Variants in CDH18 observed in about 807,000 individuals in gnomAD.
CDH18 encodes cadherin 18.
A neutral mutation model predicts 67.9 loss-of-function variants in CDH18; 31 were observed. The observed-to-expected ratio is 0.46, with a 90% confidence interval of 0.34 to 0.62. CDH18 has a LOEUF of 0.62. CDH18 is among the 20% of genes least tolerant of loss of function. CDH18 has a pLI of 0.01. For missense variants in CDH18, 890 were observed against 975.5 expected (o/e 0.91, Z 1.17); for synonymous variants, 362 against 347.2 (o/e 1.04, Z -0.48).
At chr5:20,556,253 G>A (rs1398562484) in intron 1 of CDH18, among the ~76,000 whole-genome samples, 6 of 152,202 alleles carry the variant, frequency 3.9e-5, no homozygotes, top group Middle Eastern at 3.4e-3. Context: ...TAAAATATGC[G>A]CAGCCACCCA....
At chr5:20,287,757 G>C (rs1016597819) in intron 1 of CDH18, among the ~76,000 whole-genome samples, 15 of 145,896 alleles carry the variant, frequency 1.0e-4, no homozygotes, top group Non-Finnish European at 2.2e-4. Context: ...TAGCACTATA[G>C]ACCAAGAAGC....
intron 2 of CDH18, among the ~76,000 whole-genome samples, chr5:19,844,257 T>A (rs544797249): frequency 6.6e-6 from 1 of 152,278 alleles, no homozygotes; most frequent in Admixed American, 6.5e-5. Flanking sequence ...TGAATTCTAA[T>A]CCGAATTGCT....
At chr5:19,625,413 A>T (rs1751387678) in intron 5 of CDH18, among the ~76,000 whole-genome samples, 1 of 151,992 alleles carries the variant, frequency 6.6e-6, no homozygotes, top group African/African-American at 2.4e-5. Context: ...TGCCTAAAAC[A>T]ATCTGCAAAT....
chr5:20,106,728 C>T (rs1746972425), intron 2 of CDH18, among the ~76,000 whole-genome samples: 1 of 152,134 alleles, frequency 6.6e-6, no homozygotes. Flanking sequence ...TCACCGCCAT[C>T]TCTGTTTTGT....
rs146657264 is a variant in CDH18 at position 20,391,423 on chromosome 5, T to C, written c.-579-135918A>G. On this transcript the variant is annotated intron_variant, in intron 1 of 14. Coordinates refer to the CDH18 transcript ENST00000507958. ...TTTTGTAAAGATAAAAATGAATCAA[T>C]ATAAATGAAATATTTAGCATATCTT... Among the ~76,000 whole-genome samples the C allele has an allele frequency of 8.3e-3, 1,268 of 152,184 alleles. 14 individuals carry two copies. The highest frequency in any genetic ancestry group is 0.011 in the Non-Finnish European group (776 of 67,970).
intron 3 of CDH18, among the ~76,000 whole-genome samples, chr5:19,804,755 C>T (rs1472043507): frequency 6.6e-6 from 1 of 152,086 alleles, no homozygotes; most frequent in African/African-American, 2.4e-5. Flanking sequence ...ATGACTAAAA[C>T]AGTTGAAGAA....
Position 19,839,187 on chromosome 5 carries a change from G to T in CDH18, c.-201C>A, listed in dbSNP as rs763032415. Reference sequence around the variant, plus strand: ...CTGAACCACTTGGAAAATCAAAGCCGTAGTTGTCTGATTCCAACTCTTCAC... The same window carrying T: ...CTGAACCACTTGGAAAATCAAAGCCTTAGTTGTCTGATTCCAACTCTTCAC... On this transcript the variant is annotated 5_prime_UTR_variant, in exon 3 of 13. Coordinates refer to ENST00000382275, the MANE Select transcript of CDH18 (RefSeq NM_004934.5). The T allele has an allele frequency of 3.7e-6, 2 of 537,256 alleles. No homozygotes were observed. The highest frequency in any genetic ancestry group is 5.1e-5 in the South Asian group (2 of 39,436). 33.3% of individuals were successfully genotyped at this position (537,256 alleles called of 1,614,324 possible). A position where few individuals can be genotyped will look rare whatever the true frequency, so the allele number is the denominator to read the frequency against.
intron 2 of CDH18, among the ~76,000 whole-genome samples, chr5:19,868,807 G>A (rs762906562): frequency 8.5e-5 from 13 of 152,150 alleles, no homozygotes; most frequent in Non-Finnish European, 1.8e-4. Flanking sequence ...ATTCAGCCAG[G>A]GAATGAGGGT....
chr5:20,115,081 T>A (rs1747775143), intron 2 of CDH18, among the ~76,000 whole-genome samples: 1 of 151,968 alleles, frequency 6.6e-6, no homozygotes, highest in Non-Finnish European at 1.5e-5. Flanking sequence ...TTCTTACAGT[T>A]CTGGAGTCTG....
At chr5:19,638,983 T>TG (rs1408535268) in intron 5 of CDH18, among the ~76,000 whole-genome samples, 22 of 75,686 alleles carry the variant, frequency 2.9e-4, no homozygotes, top group African/African-American at 1.0e-3. Context: ...TGCTGTTTTT[T>TG]TTTTTTTTTT....
intron 1 of CDH18, among the ~76,000 whole-genome samples, chr5:20,387,653 A>G (rs1032439555): frequency 6.6e-6 from 1 of 152,078 alleles, no homozygotes; most frequent in African/African-American, 2.4e-5. Flanking sequence ...GCCAGTTTTC[A>G]AAGGGAATGC....
intron 1 of CDH18, among the ~76,000 whole-genome samples, chr5:20,338,043 C>T (rs184526629): frequency 4.0e-4 from 61 of 152,284 alleles, no homozygotes; most frequent in African/African-American, 1.4e-3. Context: ...CCACCAACCA[C>T]CAGGAGAACA....
rs556557143 is a variant in CDH18, at chr5:19,840,954, CAT to C, written c.-256-1714_-256-1713del. Among the ~76,000 whole-genome samples, 4 of 152,210 alleles carry C rather than the reference CAT, an allele frequency of 2.6e-5. No individual in the cohort carries two copies. In the South Asian group the frequency reaches 8.3e-4, roughly 32 times the overall value. On this transcript the variant is annotated intron_variant, in intron 2 of 12. Coordinates refer to ENST00000382275, the MANE Select transcript of CDH18 (RefSeq NM_004934.5). ...TAGATCTGAATAAATAACAAATTGA[CAT>C]GACAGTATAATTAATTTATAATACT...
chr5:20,164,150 T>A (rs1736099829), intron 2 of CDH18, among the ~76,000 whole-genome samples: 1 of 152,210 alleles, frequency 6.6e-6, no homozygotes, highest in Non-Finnish European at 1.5e-5. Context: ...TTGGATCATG[T>A]TGTTTATCAT....
chr5:19,804,951 A>T (rs1343756086), intron 3 of CDH18, among the ~76,000 whole-genome samples: 2 of 147,906 alleles, frequency 1.4e-5, no homozygotes, highest in African/African-American at 5.0e-5. Context: ...TATTATTATG[A>T]TTTTTTTTTT....
chr5:19,649,688 A>T (rs1024446862), intron 5 of CDH18, among the ~76,000 whole-genome samples: 1 of 152,050 alleles, frequency 6.6e-6, no homozygotes, highest in Non-Finnish European at 1.5e-5. Context: ...TAAAATTCTC[A>T]TCAAAAAGGT....
chr5:19,749,821 T>C (rs1770602698), intron 3 of CDH18, among the ~76,000 whole-genome samples: 1 of 148,914 alleles, frequency 6.7e-6, no homozygotes, highest in Admixed American at 6.8e-5. Flanking sequence ...ATATATACTT[T>C]TTATAATTAA....
At chr5:20,298,240 A>T (rs1161982480) in intron 1 of CDH18, among the ~76,000 whole-genome samples, 2 of 152,222 alleles carry the variant, frequency 1.3e-5, no homozygotes, top group Non-Finnish European at 2.9e-5. Flanking sequence ...CAAAAATTAT[A>T]GAAAATTAAA....
chr5:19,623,821 A>G (rs1463325639), intron 5 of CDH18, among the ~76,000 whole-genome samples: 1 of 150,054 alleles, frequency 6.7e-6, no homozygotes, highest in Non-Finnish European at 1.5e-5. Context: ...TTCCATTAGT[A>G]ATGATATAAT....
Sources: gnomAD v4.1 joint callset for allele counts (sites outside exome capture counted in the v4.1 genomes callset) on GRCh38, gnomAD v4.1.1 for gene constraint, MANE v1.5 for transcripts, NCBI Gene and HGNC (gene_info 2026-07-23, HGNC 2026-07-21) for gene names.